The following PHF19 variants were observed in gnomAD, a reference collection of about 807,000 sequenced individuals.
PHF19 encodes the protein PHD finger protein 19.
PHF19 carries 21 observed loss-of-function variants against 79.8 expected under a neutral mutation model. The ratio of observed to expected loss-of-function variants is 0.26; its 90% CI spans 0.19 to 0.38. The LOEUF is 0.38. Ranked by LOEUF, PHF19 falls within the 10% of genes least tolerant of loss-of-function variation. The probability of loss-of-function intolerance (pLI) is 1.00; values close to 1 mark genes in which losing one functional copy is unlikely to be tolerated. For synonymous variants in PHF19, 273 were observed against 296.3 expected (o/e 0.92, Z 0.81); for missense variants, 445 against 744.2 (o/e 0.60, Z 4.68).
At chr9:120,889,814 A>AGAG in intron 1 of PHF19, among the ~76,000 whole-genome samples, 2 of 151,084 alleles carry the variant, frequency 1.3e-5, no homozygotes, top group Non-Finnish European at 3.0e-5. Flanking sequence ...AAAGAAAGAG[A>AGAG]AAGAAAAAAG....
At chr9:120,888,931 C>T (rs901815081) in intron 1 of PHF19, among the ~76,000 whole-genome samples, 2 of 152,192 alleles carry the variant, frequency 1.3e-5, no homozygotes, top group Admixed American at 1.3e-4. Context: ...GTCCACTAGC[C>T]AGGCAGGATA....
At chr9:120,883,242 A>G (rs1285091055) in intron 1 of PHF19, among the ~76,000 whole-genome samples, 1 of 152,194 alleles carries the variant, frequency 6.6e-6, no homozygotes. Context: ...CCTTCACCAG[A>G]CACTGGAGAT....
chr9:120,873,676 C>T (rs1383998106), intron 3 of PHF19, among the ~76,000 whole-genome samples: 2 of 152,214 alleles, frequency 1.3e-5, no homozygotes, highest in Non-Finnish European at 2.9e-5. Context: ...GTAGTGCAGC[C>T]AGGAAGCAAA....
At chr9:120,892,701 T>C (rs2046358247) in intron 1 of PHF19, among the ~76,000 whole-genome samples, 1 of 152,204 alleles carries the variant, frequency 6.6e-6, no homozygotes, top group Admixed American at 6.5e-5. Flanking sequence ...CGTTTGATGC[T>C]TGTCACATGA....
upstream of PHF19, among the ~76,000 whole-genome samples, chr9:120,879,745 CAGTT>C (rs759951418): frequency 2.0e-5 from 3 of 152,110 alleles, no homozygotes; most frequent in Non-Finnish European, 2.9e-5. Flanking sequence ...AAGTAGCAAT[CAGTT>C]AGGTTGTGGA....
rs2045702652 is a variant in PHF19, at chr9:120,866,393, A to T, written c.711-297T>A. On this transcript the variant is annotated intron_variant, in intron 7 of 14. Transcript: ENST00000373896. This position sits in a 1 kb window ranked among gnomAD's most constrained non-coding sequence, Gnocchi z 5.2. ...TGGTCACCCTCTTCCCCTCTGAGAC[A>T]GCCACACACGCAATCACAAATGACA... is the stretch of plus-strand genomic sequence containing the variant. 6.6e-6 allele frequency among the ~76,000 whole-genome samples: 1 copy of T among 152,198 alleles called. No individual in the cohort carries two copies. Among genetic ancestry groups the T allele is most frequent in the African/African-American group, 2.4e-5 (1 of 41,444 alleles).
At chr9:120,871,317 G>A (rs1393785763) in intron 3 of PHF19, among the ~76,000 whole-genome samples, 4 of 152,084 alleles carry the variant, frequency 2.6e-5, no homozygotes, top group Non-Finnish European at 5.9e-5. Flanking sequence ...TTGAGTCCCA[G>A]ATACCCAATA....
upstream of PHF19, among the ~76,000 whole-genome samples, chr9:120,898,949 A>G (rs2046421026): frequency 1.3e-5 from 2 of 152,240 alleles, no homozygotes; most frequent in Non-Finnish European, 2.9e-5. Flanking sequence ...CTGTAATCCC[A>G]GCACTTTGGG....
At chr9:120,865,165 G>A (rs1362050135) in intron 9 of PHF19, among the ~76,000 whole-genome samples, 1 of 152,210 alleles carries the variant, frequency 6.6e-6, no homozygotes, top group Non-Finnish European at 1.5e-5. Flanking sequence ...CACTCTGTAT[G>A]TGGTGGAGAG....
upstream of PHF19, among the ~76,000 whole-genome samples, chr9:120,877,627 GAC>G (rs1170902411): frequency 6.6e-6 from 1 of 152,218 alleles, no homozygotes; most frequent in Non-Finnish European, 1.5e-5. Flanking sequence ...CCCTGGCACA[GAC>G]ACACAGCAGG....
upstream of PHF19, chr9:120,877,443 C>CCCCG (rs1042382897): frequency 1.1e-5 from 8 of 747,240 alleles, no homozygotes; most frequent in Non-Finnish European, 1.3e-5. Flanking sequence ...CCCCGCCCGC[C>CCCCG]CCCGCCCGCC....
chr9:120,872,859 C>A (rs963588362), intron 3 of PHF19, among the ~76,000 whole-genome samples: 1 of 151,840 alleles, frequency 6.6e-6, no homozygotes, highest in African/African-American at 2.4e-5. Context: ...TGACGTCAGG[C>A]GATTCACCCA....
intron 12 of PHF19, among the ~76,000 whole-genome samples, 174 bp downstream of exon 12, chr9:120,861,744 G>T (rs1243707637): frequency 6.6e-6 from 1 of 152,158 alleles, no homozygotes; most frequent in Non-Finnish European, 1.5e-5. Context: ...GAGAACTTGG[G>T]GGGAGATAAA....
chr9:120,869,809 A>G lies in PHF19; in HGVS notation c.465+36T>C, dbSNP rs2045837573. ...TCTGGTCTGCCCCACTGGAGGAGGCAGGAGAGGCAGGGACTGGGGAGGATG... is the reference window on the plus strand; with the variant it reads ...TCTGGTCTGCCCCACTGGAGGAGGCGGGAGAGGCAGGGACTGGGGAGGATG... On this transcript the variant is annotated intron_variant, in intron 5 of 14. Transcript: ENST00000373896. This position sits in a 1 kb window ranked among gnomAD's most constrained non-coding sequence, Gnocchi z 5.8. 1 of 1,612,474 alleles carries G rather than the reference A, an allele frequency of 6.2e-7. No homozygotes were observed. Among genetic ancestry groups the G allele is most frequent in the African/African-American group, 1.3e-5 (1 of 74,888 alleles).
chr9:120,894,226 A>C (rs1270506434), intron 1 of PHF19, among the ~76,000 whole-genome samples: 1 of 152,176 alleles, frequency 6.6e-6, no homozygotes, highest in African/African-American at 2.4e-5. Context: ...CTGATCACCC[A>C]CTACCTTTGG....
chr9:120,874,826 G>A lies in PHF19; in HGVS notation c.-15-70C>T. ...CAGAAAGCCCATCAGGGGAAGGAAG[G>A]AAACCACCATTTCTGTACCCTGTGC... On this transcript the variant is annotated intron_variant, in intron 1 of 14. Transcript: ENST00000373896. The surrounding 1 kb of genome is among the most constrained non-coding windows in gnomAD (Gnocchi z 4.5). The A allele has an allele frequency of 2.0e-6, 2 of 985,388 alleles. No homozygotes were observed. The highest frequency in any genetic ancestry group is 2.9e-5 in the South Asian group (2 of 68,170). The allele number at this position is 985,388 out of a possible 1,614,324, so 61.0% of individuals were successfully genotyped here. A position where few individuals can be genotyped will look rare whatever the true frequency, so the allele number is the denominator to read the frequency against.
At chr9:120,879,562 CAATG>C (rs1488037721), upstream of PHF19, among the ~76,000 whole-genome samples, 2 of 152,110 alleles carry the variant, frequency 1.3e-5, no homozygotes, top group African/African-American at 2.4e-5. Context: ...TCAAATAAGA[CAATG>C]AAGGAGCAGG....
chr9:120,892,151 G>A (rs928527892), intron 1 of PHF19, among the ~76,000 whole-genome samples: 1 of 152,178 alleles, frequency 6.6e-6, no homozygotes, highest in African/African-American at 2.4e-5. Flanking sequence ...ACTAATTCAA[G>A]CCATTTAAGT....
intron 1 of PHF19, among the ~76,000 whole-genome samples, chr9:120,885,967 G>A (rs1407991458): frequency 3.3e-5 from 5 of 152,180 alleles, no homozygotes; most frequent in Non-Finnish European, 5.9e-5. Flanking sequence ...ACAGCTCTCA[G>A]AAGGAACTCT....
Sources: gnomAD v4.1 joint callset for allele counts (sites outside exome capture counted in the v4.1 genomes callset) on GRCh38, gnomAD v4.1.1 for gene constraint, Gnocchi (gnomAD v3.1) non-coding constraint, MANE v1.5 for transcripts, NCBI Gene and HGNC (gene_info 2026-07-23, HGNC 2026-07-21) for gene names.